KIFC1: variants seen among roughly 807,000 people sequenced by gnomAD.
The protein encoded by KIFC1 is kinesin family member C1.
A neutral mutation model predicts 66.6 loss-of-function variants in KIFC1; 37 were observed. The ratio of observed to expected loss-of-function variants is 0.56; its 90% CI spans 0.43 to 0.73. KIFC1 has a LOEUF of 0.73. KIFC1 is among the 30% of genes least tolerant of loss of function. The probability of loss-of-function intolerance (pLI) is 0.00; values close to 1 mark genes in which losing one functional copy is unlikely to be tolerated. For synonymous variants in KIFC1, 325 were observed against 343.5 expected, an observed-to-expected ratio of 0.95 and a Z score of 0.60; for missense variants, 721 against 859.8, an observed-to-expected ratio of 0.84 and a Z score of 2.02.
rs1175146788 is a variant in KIFC1, at chr6:33,398,189, T to C, written c.150+23T>C. The C allele has an allele frequency of 5.0e-6, 8 of 1,614,088 alleles. No individual in the cohort carries two copies. In the East Asian group the frequency reaches 1.8e-4, roughly 36 times the overall value. On this transcript the variant is annotated intron_variant, in intron 2 of 10. Transcript: ENST00000428849. ...AAGGTGAGCTGGGCATGGAGAGCTG[T>C]GCATGTGTGTGGGGGGTGTGTGTGT...
chr6:33,393,346 G>C (rs1420353426), intron 1 of KIFC1, among the ~76,000 whole-genome samples: 5 of 151,760 alleles, frequency 3.3e-5, no homozygotes, highest in Non-Finnish European at 7.4e-5. Context: ...CTTTTACTCT[G>C]AGTGAGATGG....
chr6:33,403,439 G>A lies in KIFC1; in HGVS notation c.305-46G>A, dbSNP rs556764381. On this transcript the variant is annotated intron_variant, in intron 4 of 10. Transcript: ENST00000428849. This position sits in a 1 kb window ranked among gnomAD's most constrained non-coding sequence, Gnocchi z 4.6. ...GTAAAGGGAGAATGATGGAGGTGGA[G>A]GGACACTGGTCCTGTAATTCCTAAG... is the stretch of plus-strand genomic sequence containing the variant. 2 of 1,610,630 alleles carry A rather than the reference G, an allele frequency of 1.2e-6. No individual in the cohort carries two copies. Among genetic ancestry groups the A allele is most frequent in the Non-Finnish European group, 1.7e-6 (2 of 1,176,800 alleles).
rs769966572 is a variant in KIFC1 at position 33,404,203 on chromosome 6, A to G, written c.756+74A>G. The G allele has an allele frequency of 1.9e-5, 28 of 1,459,844 alleles. No individual in the cohort carries two copies. Among genetic ancestry groups the G allele is most frequent in the Non-Finnish European group, 2.5e-5 (27 of 1,073,176 alleles). The allele number at this position is 1,459,844 out of a possible 1,614,324, so 90.4% of individuals were successfully genotyped here. ...GTCATGCCTCCCCTCCCTTCCAGGT[A>G]CCCCTCAAGTCTGGGCTGAGAACTC... On this transcript the variant is annotated intron_variant, in intron 6 of 10. Coordinates refer to ENST00000428849, the MANE Select transcript of KIFC1 (RefSeq NM_002263.4). This position sits in a 1 kb window ranked among gnomAD's most constrained non-coding sequence, Gnocchi z 4.0.
rs1040609676 is a variant in KIFC1 at position 33,406,023 on chromosome 6, A to G, written c.1537-173A>G. 6.8e-6 allele frequency among the ~76,000 whole-genome samples: 1 copy of G among 146,062 alleles called. No homozygotes were observed. The highest frequency in any genetic ancestry group is 1.5e-5 in the Non-Finnish European group (1 of 66,796). On this transcript the variant is annotated intron_variant, in intron 7 of 10. Transcript: ENST00000428849. The surrounding 1 kb of genome is among the most constrained non-coding windows in gnomAD (Gnocchi z 4.5). ...TGTGTTCCCCACCCCGCCTTTATACACTCCCTATTCTATGTATTCCTTACC... is the reference window on the plus strand; with the variant it reads ...TGTGTTCCCCACCCCGCCTTTATACGCTCCCTATTCTATGTATTCCTTACC...
chr6:33,398,215 G>A (rs1054741695), intron 2 of KIFC1, 49 bp downstream of exon 2: 6 of 1,613,938 alleles, frequency 3.7e-6, no homozygotes, highest in Non-Finnish European at 5.1e-6. Flanking sequence ...GTGTGTGTGT[G>A]TGAAAGAAAG....
Position 33,404,117 on chromosome 6 carries a change from A to G in KIFC1, c.744A>G (p.Leu248=), listed in dbSNP as rs1383647986. The G allele has an allele frequency of 3.1e-6, 5 of 1,609,758 alleles. No individual in the cohort carries two copies. The Admixed American group carries it at 8.4e-5, about 27-fold the overall frequency. Residue 248 remains leucine, a synonymous_variant, in exon 6 of 11, where the codon CTA becomes CTG. Coordinates refer to ENST00000428849, the MANE Select transcript of KIFC1 (RefSeq NM_002263.4). The surrounding 1 kb of genome is among the most constrained non-coding windows in gnomAD (Gnocchi z 4.0). Reference sequence around the variant, plus strand: ...AACGGAGGGGACTGATGTCCCAACTAGAGGAGAAGGAGGTAAGGGCCAGAT... The same window carrying G: ...AACGGAGGGGACTGATGTCCCAACTGGAGGAGAAGGAGGTAAGGGCCAGAT... ...QEERRGLMSQ[L]EEKERRLQTS...
In KIFC1 at chr6:33,400,736, T is replaced by C. The variant is rs1010031492; in HGVS notation, c.250+2349T>C. Among the ~76,000 whole-genome samples the C allele has an allele frequency of 6.6e-6, 1 of 152,062 alleles. No individual in the cohort carries two copies. The highest frequency in any genetic ancestry group is 1.5e-5 in the Non-Finnish European group (1 of 67,998). ...ATCTCGGCTCACTGCAAGCTCCGCC[T>C]CCCGGGTTCCCGCCATTTTCCTGCC... On this transcript the variant is annotated intron_variant, in intron 3 of 10. Transcript: ENST00000428849. The surrounding 1 kb of genome is among the most constrained non-coding windows in gnomAD (Gnocchi z 4.3).
At chr6:33,393,224 G>A (rs1774872914) in intron 1 of KIFC1, among the ~76,000 whole-genome samples, 1 of 152,112 alleles carries the variant, frequency 6.6e-6, no homozygotes, top group African/African-American at 2.4e-5. Context: ...TGTAAGGAGG[G>A]AAGTGTGGCT....
In KIFC1 at chr6:33,396,436, C is replaced by CTT. The variant is rs199749552; in HGVS notation, c.13-1575_13-1574dup. Among the ~76,000 whole-genome samples, 1,067 of 116,258 alleles carry CTT rather than the reference C, an allele frequency of 9.2e-3. 48 individuals carry two copies. Among genetic ancestry groups the CTT allele is most frequent in the African/African-American group, 0.032 (909 of 28,610 alleles). The allele number at this position is 116,258 out of a possible 152,430, so 76.3% of individuals were successfully genotyped here. On this transcript the variant is annotated intron_variant, in intron 1 of 10. Transcript: ENST00000428849. ...TTTTTCTTTTTCTTTCTTTTCTTTT[C>CTT]TTTTTTTTTTTTTTTTTTTGAGACA...
Position 33,404,156 on chromosome 6 carries a change from C to G in KIFC1, c.756+27C>G. On this transcript the variant is annotated intron_variant, in intron 6 of 10. Transcript: ENST00000428849. The surrounding 1 kb of genome is among the most constrained non-coding windows in gnomAD (Gnocchi z 4.0). ...TAAGGGCCAGATTTTCACCAGATGT[C>G]AGCCCCGCTTTCCTGGCAGAGGTCA... 6.3e-7 allele frequency: 1 copy of G among 1,580,646 alleles called. No individual in the cohort carries two copies. Among genetic ancestry groups the G allele is most frequent in the Non-Finnish European group, 8.6e-7 (1 of 1,162,374 alleles).
intron 1 of KIFC1, among the ~76,000 whole-genome samples, chr6:33,396,545 C>A (rs1440944901): frequency 6.7e-6 from 1 of 150,208 alleles, no homozygotes; most frequent in African/African-American, 2.5e-5. Context: ...TGGGCCCAAG[C>A]CATCCTCCCA....
chr6:33,394,845 A>T (rs1774956983), intron 1 of KIFC1, among the ~76,000 whole-genome samples: 1 of 152,216 alleles, frequency 6.6e-6, no homozygotes, highest in Admixed American at 6.5e-5. Context: ...AGCTGGACAT[A>T]TAAATTTGGA....
At chr6:33,408,838 G>A (rs929834971) in intron 10 of KIFC1, among the ~76,000 whole-genome samples, 3 of 152,116 alleles carry the variant, frequency 2.0e-5, no homozygotes, top group South Asian at 2.1e-4. Flanking sequence ...GGCCACAGTC[G>A]TTCTTCTTTC....
intron 10 of KIFC1, chr6:33,407,085 C>A: frequency 7.2e-7 from 1 of 1,387,158 alleles, no homozygotes. Context: ...CCTGAGAAAG[C>A]TGATTAAAAA....
upstream of KIFC1, chr6:33,391,635 A>T (rs1048447074): frequency 6.1e-6 from 3 of 488,830 alleles, no homozygotes; most frequent in African/African-American, 2.0e-5. Context: ...GGTGAGAAGC[A>T]TAAGTGGCAC....
intron 1 of KIFC1, 111 bp downstream of exon 1, chr6:33,392,108 G>A (rs1025515505): frequency 1.8e-5 from 22 of 1,242,474 alleles, no homozygotes; most frequent in South Asian, 2.7e-5. Context: ...TCTACCGGGA[G>A]AGCGAAGGTC....
chr6:33,405,189 C>G lies in KIFC1; in HGVS notation c.1094C>G (p.Ala365Gly). Residue 365 changes from alanine (A) to glycine (G), a missense_variant, in exon 7 of 11, where the codon GCT becomes GGT. By Grantham distance (60) the Ala-to-Gly change is moderately conservative. Coordinates refer to ENST00000428849, the MANE Select transcript of KIFC1 (RefSeq NM_002263.4). The surrounding 1 kb of genome is among the most constrained non-coding windows in gnomAD (Gnocchi z 5.4). ...CGTGGGACCCTGAGTGGGGCACCAGCTCCCCCAACTCGCCATGATTTTTCC... is the reference window on the plus strand; with the variant it reads ...CGTGGGACCCTGAGTGGGGCACCAGGTCCCCCAACTCGCCATGATTTTTCC... ...ERRGTLSGAP[A>G]PPTRHDFSFD... is the part of the protein sequence containing the mutation. 6.2e-7 allele frequency: 1 copy of G among 1,614,164 alleles called. No individual in the cohort carries two copies. Among genetic ancestry groups the G allele is most frequent in the Non-Finnish European group, 8.5e-7 (1 of 1,180,032 alleles).
chr6:33,396,984 G>GTTC (rs1215687316), intron 1 of KIFC1, among the ~76,000 whole-genome samples: 4 of 75,218 alleles, frequency 5.3e-5, no homozygotes, highest in Admixed American at 1.6e-4. Context: ...GCCTGGCCAA[G>GTTC]TTCTTTTTTT....
At chr6:33,408,406 A>G (rs941385599) in intron 10 of KIFC1, among the ~76,000 whole-genome samples, 9 of 152,326 alleles carry the variant, frequency 5.9e-5, no homozygotes, top group South Asian at 2.1e-4. Flanking sequence ...TGACCCATCC[A>G]TTTACAAGCT....
Sources: gnomAD v4.1 joint callset for allele counts (sites outside exome capture counted in the v4.1 genomes callset) on GRCh38, gnomAD v4.1.1 for gene constraint, Gnocchi (gnomAD v3.1) non-coding constraint, MANE v1.5 for transcripts, NCBI Gene and HGNC (gene_info 2026-07-23, HGNC 2026-07-21) for gene names.